The following CDH20 variants were observed in gnomAD, a reference collection of about 807,000 sequenced individuals.
CDH20 encodes cadherin 20.
A neutral mutation model predicts 74.2 loss-of-function variants in CDH20; 29 were observed. That is an observed-to-expected ratio of 0.39 (90% CI 0.29 to 0.53). The LOEUF (loss-of-function observed/expected upper bound fraction) is 0.53. Ranked by LOEUF, CDH20 falls within the 20% of genes least tolerant of loss-of-function variation. CDH20 has a pLI of 0.69. For missense variants in CDH20, 988 were observed against 1,048.3 expected, an observed-to-expected ratio of 0.94 and a Z score of 0.79; for synonymous variants, 469 against 405.4, an observed-to-expected ratio of 1.16 and a Z score of -1.88.
intron 1 of CDH20, among the ~76,000 whole-genome samples, chr18:61,379,139 T>C (rs1250695522): frequency 6.6e-6 from 1 of 152,184 alleles, no homozygotes; most frequent in East Asian, 1.9e-4. Context: ...AAAATGATAA[T>C]GACTCAGATA....
chr18:61,346,827 A>G (rs546783834), intron 1 of CDH20, among the ~76,000 whole-genome samples: 1 of 152,168 alleles, frequency 6.6e-6, no homozygotes, highest in South Asian at 2.1e-4. Context: ...TAGCAATTTA[A>G]TTTTTCAAAA....
At chr18:61,477,517 C>T (rs74522249) in intron 1 of CDH20, among the ~76,000 whole-genome samples, 1,863 of 152,252 alleles carry the variant, frequency 0.012, 40 homozygotes, top group African/African-American at 0.043. Flanking sequence ...TAATAAACAG[C>T]GTTCTTGAGA....
chr18:61,552,407 A>G (rs1319969424), intron 11 of CDH20, among the ~76,000 whole-genome samples: 8 of 152,208 alleles, frequency 5.3e-5, no homozygotes, highest in Non-Finnish European at 1.2e-4. Context: ...CCTTAAAAAA[A>G]AAAAGACATG....
chr18:61,418,008 A>G (rs1404686485), intron 1 of CDH20, among the ~76,000 whole-genome samples: 2 of 152,224 alleles, frequency 1.3e-5, no homozygotes, highest in African/African-American at 4.8e-5. Context: ...AAATATGTCA[A>G]ATTGACTTGA....
intron 10 of CDH20, among the ~76,000 whole-genome samples, chr18:61,545,349 C>T (rs1279004976): frequency 6.6e-6 from 1 of 150,982 alleles, no homozygotes; most frequent in Non-Finnish European, 1.5e-5. Flanking sequence ...TTCAAGCAGT[C>T]CTCCCATCTC....
chr18:61,337,263 T>G (rs998270306), intron 1 of CDH20, among the ~76,000 whole-genome samples: 4 of 152,238 alleles, frequency 2.6e-5, no homozygotes, highest in Admixed American at 6.5e-5. Flanking sequence ...TGCCACTTTT[T>G]ATTCCCTCCA....
chr18:61,427,192 TTAA>T (rs1913101728), intron 1 of CDH20, among the ~76,000 whole-genome samples: 1 of 152,180 alleles, frequency 6.6e-6, no homozygotes, highest in Non-Finnish European at 1.5e-5. Context: ...ACCTGTATAA[TTAA>T]TAACATTACA....
chr18:61,495,097 GA>G (rs924900567), intron 2 of CDH20, among the ~76,000 whole-genome samples: 80 of 151,852 alleles, frequency 5.3e-4, no homozygotes, highest in African/African-American at 1.7e-3. Context: ...TTTTAGGAAG[GA>G]AAAAAAACAT....
intron 1 of CDH20, among the ~76,000 whole-genome samples, chr18:61,469,453 A>G (rs2535356): frequency 0.55 from 82,888 of 151,822 alleles, 23,945 homozygotes; most frequent in African/African-American, 0.74. Context: ...GTTGTCACAC[A>G]CACAGGTGAT....
chr18:61,536,203 T>C lies in CDH20; in HGVS notation c.1272-290T>C, dbSNP rs550562765. 2.8e-3 allele frequency among the ~76,000 whole-genome samples: 420 copies of C among 152,302 alleles called. 4 individuals are homozygous for C. The highest frequency in any genetic ancestry group is 9.9e-3 in the African/African-American group (413 of 41,564). On this transcript the variant is annotated intron_variant, in intron 7 of 11. Transcript: ENST00000262717. ...AAAATTCTTGGGGTAATTCCAAGCA[T>C]TACGTAGCATAAACCATATTTAAAT...
intron 1 of CDH20, among the ~76,000 whole-genome samples, chr18:61,486,442 C>G (rs1176543085): frequency 6.6e-6 from 1 of 152,138 alleles, no homozygotes; most frequent in South Asian, 2.1e-4. Flanking sequence ...GTGTCATTCT[C>G]TGGGGTTTTG....
chr18:61,500,425 C>T lies in CDH20; in HGVS notation c.584C>T (p.Pro195Leu), dbSNP rs771330895. 10 of 1,612,768 alleles carry T rather than the reference C, an allele frequency of 6.2e-6. No homozygotes were observed. Among genetic ancestry groups the T allele is most frequent in the African/African-American group, 2.7e-5 (2 of 74,840 alleles). ...GTGACAGCCACAGATGCAGATGACC[C>T]GACCTACGGCAACAGTGCCAGGGTG... Reference protein sequence around the residue: ...IQVTATDADDPTYGNSARVVY... With the variant: ...IQVTATDADDLTYGNSARVVY... Residue 195 changes from proline (P) to leucine (L), a missense_variant, in exon 4 of 12, where the codon CCG becomes CTG. Physicochemically the swap from Pro to Leu is moderately conservative, Grantham distance 98. Around this residue, in one of 2 missense-constraint regions of CDH20, gnomAD observed 613 missense variants for 755.2 expected, o/e 0.81. Transcript: ENST00000262717.
chr18:61,405,088 G>A (rs1912287039), intron 1 of CDH20: 1 of 662,774 alleles, frequency 1.5e-6, no homozygotes, highest in Non-Finnish European at 2.8e-6. Context: ...GCTTTGCCTT[G>A]TCTGATCATC....
intron 1 of CDH20, among the ~76,000 whole-genome samples, chr18:61,354,839 AC>A (rs371748597): frequency 3.2e-4 from 48 of 152,350 alleles, no homozygotes; most frequent in African/African-American, 1.1e-3. Context: ...GGTTTGAGCT[AC>A]CTACACATTT....
chr18:61,431,379 GA>G (rs1913248671), intron 1 of CDH20, among the ~76,000 whole-genome samples: 1 of 152,086 alleles, frequency 6.6e-6, no homozygotes, highest in Non-Finnish European at 1.5e-5. Context: ...AAACTCTAAG[GA>G]AACCCAAATA....
Position 61,528,095 on chromosome 18 carries a change from C to T in CDH20, c.1146C>T (p.Asp382=), listed in dbSNP as rs151288663. 5.0e-5 allele frequency: 81 copies of T among 1,614,150 alleles called. No individual in the cohort carries two copies. Among genetic ancestry groups the T allele is most frequent in the African/African-American group, 4.7e-4 (35 of 75,032 alleles). ...CAACAGTGCACATCAGTGTGGAAGA[C>T]GTGGACGAGCCCCCTGTGTTTGAAC... is the stretch of plus-strand genomic sequence containing the variant. The part of the protein sequence containing the change: ...DTTTVHISVE[D]VDEPPVFEPG... Residue 382 remains aspartate, a synonymous_variant, in exon 7 of 12, where the codon GAC becomes GAT. Coordinates refer to ENST00000262717, the MANE Select transcript of CDH20 (RefSeq NM_031891.4).
At chr18:61,387,672 G>C (rs993458598) in intron 1 of CDH20, among the ~76,000 whole-genome samples, 24 of 152,108 alleles carry the variant, frequency 1.6e-4, no homozygotes, top group African/African-American at 5.6e-4. Context: ...CTACAGAATT[G>C]TGTGTGTATA....
chr18:61,482,218 A>G (rs1274915911), intron 1 of CDH20, among the ~76,000 whole-genome samples: 2 of 152,152 alleles, frequency 1.3e-5, no homozygotes, highest in Non-Finnish European at 2.9e-5. Context: ...AAAAAGAGAA[A>G]GTTCCTGCCT....
chr18:61,402,994 C>T (rs1801618706), intron 1 of CDH20, among the ~76,000 whole-genome samples: 3 of 152,166 alleles, frequency 2.0e-5, no homozygotes, highest in African/African-American at 4.8e-5. Context: ...TATTTTTACC[C>T]TTCTCAGGGT....
Sources: allele counts gnomAD v4.1 joint callset (sites outside exome capture counted in the v4.1 genomes callset), GRCh38; gene constraint gnomAD v4.1.1; regional missense constraint gnomAD v4.1.1; transcripts MANE v1.5; gene names NCBI Gene and HGNC (gene_info 2026-07-23, HGNC 2026-07-21).